The following TLE4 variants were observed in gnomAD, a reference collection of about 807,000 sequenced individuals.
The protein encoded by TLE4 is TLE family member 4, transcriptional corepressor.
Under a neutral mutation model 92.8 loss-of-function variants are expected in TLE4, and 8 were observed. That is an observed-to-expected ratio of 0.09 (90% confidence interval 0.05 to 0.16). The LOEUF (loss-of-function observed/expected upper bound fraction) is 0.16, where lower values mean the gene tolerates loss of function less well. TLE4 is among the 10% of genes least tolerant of loss of function. The probability of loss-of-function intolerance (pLI) is 1.00; values close to 1 mark genes in which losing one functional copy is unlikely to be tolerated. For missense variants in TLE4, 675 were observed against 997.6 expected, an observed-to-expected ratio of 0.68 and a Z score of 4.36; for synonymous variants, 371 against 374.1, an observed-to-expected ratio of 0.99 and a Z score of 0.10.
intron 1 of TLE4, chr9:79,573,432 A>T: frequency 8.5e-7 from 1 of 1,174,724 alleles, no homozygotes. Flanking sequence ...CGGGGAGGGG[A>T]GACGGGACTC....
intron 5 of TLE4, among the ~76,000 whole-genome samples, chr9:79,615,855 C>CA (rs1202479050): frequency 6.6e-6 from 1 of 152,136 alleles, no homozygotes; most frequent in Non-Finnish European, 1.5e-5. Context: ...CTGTTGCACT[C>CA]ACGTACAACT....
At chr9:79,685,473 A>T (rs1161884510) in intron 8 of TLE4, among the ~76,000 whole-genome samples, 1 of 152,228 alleles carries the variant, frequency 6.6e-6, no homozygotes, top group East Asian at 1.9e-4. Flanking sequence ...AGGAAAATTC[A>T]GCTTGGATTG....
intron 7 of TLE4, among the ~76,000 whole-genome samples, chr9:79,653,638 C>A (rs892652503): frequency 2.0e-5 from 3 of 152,164 alleles, no homozygotes; most frequent in Non-Finnish European, 2.9e-5. Context: ...AAAGCTCATA[C>A]CCCTGTTTCA....
At chr9:79,697,935 A>G (rs2135711153) in intron 8 of TLE4, among the ~76,000 whole-genome samples, 1 of 152,330 alleles carries the variant, frequency 6.6e-6, no homozygotes, top group South Asian at 2.1e-4. Flanking sequence ...TTTATTCAAG[A>G]CATTTCATGT....
intron 4 of TLE4, among the ~76,000 whole-genome samples, chr9:79,612,233 A>C (rs1310492677): frequency 6.6e-6 from 1 of 152,116 alleles, no homozygotes; most frequent in Non-Finnish European, 1.5e-5. Context: ...CAAATATAGA[A>C]ATCCAATGAT....
intron 5 of TLE4, among the ~76,000 whole-genome samples, chr9:79,616,460 T>C (rs1413741095): frequency 6.6e-6 from 1 of 152,160 alleles, no homozygotes; most frequent in Admixed American, 6.5e-5. Flanking sequence ...GCAGTGGAGC[T>C]CTGTCTCCTC....
intron 8 of TLE4, among the ~76,000 whole-genome samples, chr9:79,692,923 G>A (rs772522824): frequency 2.0e-5 from 3 of 152,160 alleles, no homozygotes; most frequent in South Asian, 2.1e-4. Flanking sequence ...TCCTGTAGGC[G>A]AAATATCCTT....
chr9:79,655,048 A>T (rs990910029), intron 8 of TLE4, among the ~76,000 whole-genome samples: 2 of 152,228 alleles, frequency 1.3e-5, no homozygotes, highest in African/African-American at 4.8e-5. Context: ...AGTCTGAGGC[A>T]GGAGAATCGC....
At chr9:79,635,568 T>C in intron 6 of TLE4, among the ~76,000 whole-genome samples, 1 of 151,884 alleles carries the variant, frequency 6.6e-6, no homozygotes, top group Non-Finnish European at 1.5e-5. Flanking sequence ...ATGCATTAAG[T>C]TGAGGTTTTT....
intron 1 of TLE4, chr9:79,573,228 C>A: frequency 3.0e-6 from 3 of 1,012,890 alleles, no homozygotes; most frequent in Non-Finnish European, 3.5e-6. Context: ...GTGCGGGGCG[C>A]CGGCCCCTCG....
At chr9:79,719,420 A>G (rs2075196924) in intron 15 of TLE4, among the ~76,000 whole-genome samples, 1 of 152,124 alleles carries the variant, frequency 6.6e-6, no homozygotes, top group Admixed American at 6.6e-5. Context: ...TTTTTGCTAT[A>G]GCATGAGGCT....
chr9:79,698,385 C>A (rs556008648), intron 8 of TLE4, among the ~76,000 whole-genome samples: 8 of 152,174 alleles, frequency 5.3e-5, no homozygotes, highest in Non-Finnish European at 7.4e-5. Flanking sequence ...GAGACAAAAA[C>A]AATAGAACAT....
intron 4 of TLE4, among the ~76,000 whole-genome samples, chr9:79,588,351 T>C (rs967455507): frequency 1.3e-5 from 2 of 152,162 alleles, no homozygotes; most frequent in Non-Finnish European, 2.9e-5. Context: ...GGTTTCACCA[T>C]GTTGGCCAGG....
At chr9:79,641,366 A>G (rs2057109166) in intron 6 of TLE4, among the ~76,000 whole-genome samples, 1 of 152,176 alleles carries the variant, frequency 6.6e-6, no homozygotes, top group Non-Finnish European at 1.5e-5. Context: ...TTAAAGAGCA[A>G]CTAAAAGTTC....
At chr9:79,714,298 G>A (rs1279190554) in intron 14 of TLE4, among the ~76,000 whole-genome samples, 1 of 152,178 alleles carries the variant, frequency 6.6e-6, no homozygotes, top group Non-Finnish European at 1.5e-5. Context: ...GTCTCAGGCT[G>A]GCATTCTGGT....
At chr9:79,637,825 T>G (rs1025417553) in intron 6 of TLE4, among the ~76,000 whole-genome samples, 3 of 151,964 alleles carry the variant, frequency 2.0e-5, no homozygotes, top group Non-Finnish European at 2.9e-5. Context: ...CTGAATTGCT[T>G]GCAGAATTGC....
intron 8 of TLE4, among the ~76,000 whole-genome samples, chr9:79,674,244 G>A (rs978272364): frequency 6.6e-6 from 1 of 152,158 alleles, no homozygotes; most frequent in Non-Finnish European, 1.5e-5. Flanking sequence ...CACTGTGGGT[G>A]CATATACTCT....
At chr9:79,643,641 G>A (rs1349977585) in intron 6 of TLE4, among the ~76,000 whole-genome samples, 1 of 152,084 alleles carries the variant, frequency 6.6e-6, no homozygotes, top group Non-Finnish European at 1.5e-5. Flanking sequence ...CTCAAGTTTA[G>A]ATTTCGGTTA....
chr9:79,688,549 G>A (rs1260536644), intron 8 of TLE4, among the ~76,000 whole-genome samples: 1 of 151,876 alleles, frequency 6.6e-6, no homozygotes, highest in Non-Finnish European at 1.5e-5. Context: ...TAGAAGTGCT[G>A]AGCATGCATA....
Sources: gnomAD v4.1 joint callset for allele counts (sites outside exome capture counted in the v4.1 genomes callset) on GRCh38, gnomAD v4.1.1 for gene constraint, MANE v1.5 for transcripts, NCBI Gene and HGNC (gene_info 2026-07-23, HGNC 2026-07-21) for gene names.